The following CMPK1 variants were observed in gnomAD, a reference collection of about 807,000 sequenced individuals.
CMPK1 encodes UMP-CMP kinase.
In CMPK1, 10 loss-of-function variants were observed where a neutral mutation model predicts 25.7. The ratio of observed to expected loss-of-function variants is 0.39; its 90% CI spans 0.24 to 0.66. The LOEUF (loss-of-function observed/expected upper bound fraction) is 0.66, where lower values mean the gene tolerates loss of function less well. CMPK1 is among the 30% of genes least tolerant of loss of function. The pLI is 0.48. For synonymous variants in CMPK1, 106 were observed against 101.5 expected, an observed-to-expected ratio of 1.04 and a Z score of -0.27; for missense variants, 199 against 280.5, an observed-to-expected ratio of 0.71 and a Z score of 2.08.
At chr1:47,365,293 T>G in intron 1 of CMPK1, among the ~76,000 whole-genome samples, 1 of 148,284 alleles carries the variant, frequency 6.7e-6, no homozygotes, top group Non-Finnish European at 1.5e-5. Flanking sequence ...TTTTGTCTTG[T>G]GTTTTCGTTG....
rs1252849573 is a variant in CMPK1, at chr1:47,378,649, G to A, written c.*1904G>A. ...GCAACATTGAGTTTTGGAGTTGATT[G>A]AGATAATATGACTTAACTAGTTTTG... On this transcript the variant is annotated 3_prime_UTR_variant, in exon 6 of 6. Transcript: ENST00000371873. 1 of 152,174 alleles carries A rather than the reference G, an allele frequency of 6.6e-6. No individual in the cohort carries two copies. Among genetic ancestry groups the A allele is most frequent in the East Asian group, 1.9e-4 (1 of 5,200 alleles). The allele number at this position is 152,174 out of a possible 1,614,324, so 9.4% of individuals were successfully genotyped here. A position where few individuals can be genotyped will look rare whatever the true frequency, so the allele number is the denominator to read the frequency against.
Position 47,368,462 on chromosome 1 carries a change from C to G in CMPK1, c.172-7C>G. The G allele has an allele frequency of 6.3e-7, 1 of 1,592,328 alleles. No homozygotes were observed. Among genetic ancestry groups the G allele is most frequent in the Non-Finnish European group, 8.5e-7 (1 of 1,170,412 alleles). On this transcript the variant is annotated splice_region_variant and splice_polypyrimidine_tract_variant and intron_variant, in intron 1 of 5. Coordinates refer to ENST00000371873, the MANE Select transcript of CMPK1 (RefSeq NM_016308.3). ...TCTGATATTTTTCCTATGTGTGCTT[C>G]TTTCAGAAATATGGCTACACACACC...
chr1:47,346,535 A>T, intron 1 of CMPK1, among the ~76,000 whole-genome samples: 1 of 143,462 alleles, frequency 7.0e-6, no homozygotes. Context: ...TCGGAGTTTC[A>T]CTCTGGCGCC....
intron 1 of CMPK1, among the ~76,000 whole-genome samples, chr1:47,342,020 C>G (rs1646445017): frequency 6.6e-6 from 1 of 152,116 alleles, no homozygotes; most frequent in Non-Finnish European, 1.5e-5. Context: ...AAGCGATCCT[C>G]CTGCCTTATC....
chr1:47,350,847 G>A (rs1356260607), intron 1 of CMPK1, among the ~76,000 whole-genome samples: 2 of 151,548 alleles, frequency 1.3e-5, no homozygotes, highest in Admixed American at 6.6e-5. Context: ...GGCAGAGGTT[G>A]CATTGAGCCG....
At chr1:47,344,428 A>T (rs1646467762) in intron 1 of CMPK1, among the ~76,000 whole-genome samples, 1 of 151,834 alleles carries the variant, frequency 6.6e-6, no homozygotes, top group Admixed American at 6.6e-5. Context: ...CTCAAAAAAC[A>T]CTCCCTTGAA....
chr1:47,358,666 A>T, intron 1 of CMPK1: 1 of 986,118 alleles, frequency 1.0e-6, no homozygotes, highest in South Asian at 4.7e-5. Flanking sequence ...CAGTGTTCTG[A>T]GTGTGTGATT....
At position 47,333,906 on chromosome 1, in the gene CMPK1, C is replaced by T. The variant is rs1383999396; in HGVS notation, c.-40C>T. The T allele has an allele frequency of 1.2e-4, 153 of 1,231,868 alleles. No homozygotes were observed. Among genetic ancestry groups the T allele is most frequent in the Non-Finnish European group, 1.5e-4 (151 of 976,328 alleles). 76.3% of individuals were successfully genotyped at this position (1,231,868 alleles called of 1,614,324 possible). A position where few individuals can be genotyped will look rare whatever the true frequency, so the allele number is the denominator to read the frequency against. On this transcript the variant is annotated 5_prime_UTR_variant, in exon 1 of 6. Coordinates refer to ENST00000371873, the MANE Select transcript of CMPK1 (RefSeq NM_016308.3). ...CCCGCCCCGCCCCGCGCCGCGCCGG[C>T]CGCTGTCAGCTCCCTCAGCGTCCGG...
chr1:47,362,150 G>A (rs150569774), intron 1 of CMPK1, among the ~76,000 whole-genome samples: 8 of 139,870 alleles, frequency 5.7e-5, no homozygotes, highest in African/African-American at 1.6e-4. Flanking sequence ...GATTATAGGC[G>A]TGAGCCACAG....
intron 1 of CMPK1, among the ~76,000 whole-genome samples, chr1:47,362,820 T>G (rs1049742834): frequency 6.6e-6 from 1 of 152,184 alleles, no homozygotes; most frequent in African/African-American, 2.4e-5. Context: ...AAAAATGAGA[T>G]TAGGAATCCA....
intron 3 of CMPK1, among the ~76,000 whole-genome samples, chr1:47,374,162 G>A (rs1646693591): frequency 6.6e-6 from 1 of 152,140 alleles, no homozygotes; most frequent in Non-Finnish European, 1.5e-5. Flanking sequence ...GGTTCAAGCA[G>A]TTCTCCTGCC....
In CMPK1 at chr1:47,338,547, C is replaced by CCCTCTCTCCTTCCCTCCCTA. The variant is rs1557800072; in HGVS notation, c.171+4450_171+4451insACCTCTCTCCTTCCCTCCCT. ...TCCCTCCCTCTCTCCTTCCCTCCCT[C>CCCTCTCTCCTTCCCTCCCTA]CCTCTCTCCTTCCCTCCCTCCCTCT... is the stretch of plus-strand genomic sequence containing the variant. On this transcript the variant is annotated intron_variant, in intron 1 of 5. Coordinates refer to ENST00000371873, the MANE Select transcript of CMPK1 (RefSeq NM_016308.3). Among the ~76,000 whole-genome samples, 31 of 135,750 alleles carry CCCTCTCTCCTTCCCTCCCTA rather than the reference C, an allele frequency of 2.3e-4. No homozygotes were observed. The East Asian group carries it at 7.0e-3, about 30-fold the overall frequency. The allele number at this position is 135,750 out of a possible 152,430, so 89.1% of individuals were successfully genotyped here. A position where few individuals can be genotyped will look rare whatever the true frequency, so the allele number is the denominator to read the frequency against.
In CMPK1 at chr1:47,376,841, C is replaced by A; in HGVS notation, c.*96C>A. The A allele has an allele frequency of 3.0e-6, 2 of 673,730 alleles. No homozygotes were observed. The highest frequency in any genetic ancestry group is 1.9e-5 in the South Asian group (1 of 52,272). The allele number at this position is 673,730 out of a possible 1,614,324, so 41.7% of individuals were successfully genotyped here. A position where few individuals can be genotyped will look rare whatever the true frequency, so the allele number is the denominator to read the frequency against. Reference sequence around the variant, plus strand: ...TTAAGGCAATTCTAATCTTTCATAACTACATCTCAATTAGTGGCTGGAAAG... The same window carrying A: ...TTAAGGCAATTCTAATCTTTCATAAATACATCTCAATTAGTGGCTGGAAAG... On this transcript the variant is annotated 3_prime_UTR_variant, in exon 6 of 6. Coordinates refer to ENST00000371873, the MANE Select transcript of CMPK1 (RefSeq NM_016308.3).
intron 1 of CMPK1, among the ~76,000 whole-genome samples, chr1:47,335,113 CCTCTAGTGAAATCACT>C (rs1646386841): frequency 6.6e-6 from 1 of 152,112 alleles, no homozygotes; most frequent in Admixed American, 6.6e-5. Flanking sequence ...CCATTGGTGG[CCTCTAGTGAAATCACT>C]CTGAAACCCT....
chr1:47,354,599 C>CTTTTTTTTTTTTTTTTTTTTCT, intron 1 of CMPK1, among the ~76,000 whole-genome samples: 1 of 105,470 alleles, frequency 9.5e-6, no homozygotes, highest in Non-Finnish European at 1.9e-5. Context: ...TTGTGACTTG[C>CTTTTTTTTTTTTTTTTTTTTCT]TTTTTTTTTT....
At chr1:47,358,821 A>AT (rs1247223156) in intron 1 of CMPK1, 2 of 984,046 alleles carry the variant, frequency 2.0e-6, no homozygotes, top group African/African-American at 1.8e-5. Context: ...TCCTTTGTAC[A>AT]TTTTTCTGGT....
At chr1:47,340,094 T>G (rs1646430274) in intron 1 of CMPK1, among the ~76,000 whole-genome samples, 1 of 147,426 alleles carries the variant, frequency 6.8e-6, no homozygotes, top group Non-Finnish European at 1.5e-5. Context: ...ATTTATTTAT[T>G]TATTTGAGAT....
intron 1 of CMPK1, among the ~76,000 whole-genome samples, chr1:47,338,883 A>G (rs1232248626): frequency 6.6e-6 from 1 of 152,052 alleles, no homozygotes; most frequent in Non-Finnish European, 1.5e-5. Context: ...AATTATGTCA[A>G]TGTAACCTAA....
intron 2 of CMPK1, among the ~76,000 whole-genome samples, chr1:47,371,154 G>T (rs1306452851): frequency 6.6e-6 from 1 of 152,160 alleles, no homozygotes; most frequent in Admixed American, 6.6e-5. Context: ...AAAGAGCTAT[G>T]TAAGCATCTG....
Sources: allele counts gnomAD v4.1 joint callset (sites outside exome capture counted in the v4.1 genomes callset), GRCh38; gene constraint gnomAD v4.1.1; transcripts MANE v1.5; gene names NCBI Gene and HGNC (gene_info 2026-07-23, HGNC 2026-07-21).